TASP1: variants seen among roughly 807,000 people sequenced by gnomAD.
TASP1 encodes the protein threonine aspartase 1.
TASP1 carries 16 observed loss-of-function variants against 56.6 expected under a neutral mutation model. That is an observed-to-expected ratio of 0.28 (90% CI 0.19 to 0.43). The LOEUF (loss-of-function observed/expected upper bound fraction) is 0.43, where lower values mean the gene tolerates loss of function less well. Among genes scored for constraint, TASP1 ranks in the 20% least tolerant of loss-of-function variants. TASP1 has a pLI of 1.00. For synonymous variants in TASP1, 179 were observed against 184.2 expected, an observed-to-expected ratio of 0.97 and a Z score of 0.23; for missense variants, 393 against 511.6, an observed-to-expected ratio of 0.77 and a Z score of 2.24.
At chr20:13,453,570 C>T (rs185846970) in intron 11 of TASP1, among the ~76,000 whole-genome samples, 2 of 151,970 alleles carry the variant, frequency 1.3e-5, no homozygotes, top group Admixed American at 1.3e-4. Context: ...GATTTAAGAG[C>T]CTAAACTGAA....
chr20:13,321,497 A>G, the TASP1 span, among the ~76,000 whole-genome samples: 12,859 of 152,136 alleles, frequency 0.085, 1,142 homozygotes, highest in African/African-American at 0.23. Flanking sequence ...TGGCCCCAGA[A>G]GCATCTAAAA....
the TASP1 span, among the ~76,000 whole-genome samples, chr20:13,276,520 A>G: frequency 6.6e-6 from 1 of 152,240 alleles, no homozygotes; most frequent in Non-Finnish European, 1.5e-5. Flanking sequence ...TGTGCCAGAA[A>G]TTGAACTTGA....
At chr20:13,209,881 T>G in the TASP1 span, among the ~76,000 whole-genome samples, 2 of 152,202 alleles carry the variant, frequency 1.3e-5, no homozygotes, top group African/African-American at 4.8e-5. Flanking sequence ...ACAGTTTACA[T>G]AGAGTGCACA....
intron 4 of TASP1, among the ~76,000 whole-genome samples, chr20:13,615,502 GTTT>G (rs756677945): frequency 4.5e-5 from 6 of 132,204 alleles, no homozygotes; most frequent in African/African-American, 8.2e-5. Context: ...TGAGAATCTG[GTTT>G]TTTTTTTTTT....
chr20:13,296,198 C>T, the TASP1 span, among the ~76,000 whole-genome samples: 2 of 152,154 alleles, frequency 1.3e-5, no homozygotes, highest in Non-Finnish European at 2.9e-5. Context: ...ATTTCCTCCA[C>T]CCATAGCATG....
At chr20:13,264,469 A>G in the TASP1 span, among the ~76,000 whole-genome samples, 1,921 of 152,134 alleles carry the variant, frequency 0.013, 38 homozygotes, top group African/African-American at 0.044. Flanking sequence ...AGGATGCATC[A>G]CTCATTTCCA....
intron 5 of TASP1, among the ~76,000 whole-genome samples, chr20:13,584,030 G>C (rs2047215340): frequency 6.6e-6 from 1 of 152,124 alleles, no homozygotes; most frequent in Non-Finnish European, 1.5e-5. Flanking sequence ...AGTGAGCCAA[G>C]ATCGCACCAC....
intron 11 of TASP1, among the ~76,000 whole-genome samples, chr20:13,447,022 C>T (rs1433169366): frequency 1.3e-5 from 2 of 152,118 alleles, no homozygotes; most frequent in Non-Finnish European, 2.9e-5. Flanking sequence ...ACCTTTCACA[C>T]GTGTATGAAT....
the TASP1 span, among the ~76,000 whole-genome samples, chr20:13,307,778 C>T: frequency 6.6e-6 from 1 of 152,232 alleles, no homozygotes; most frequent in African/African-American, 2.4e-5. Flanking sequence ...GTCATTCATG[C>T]TTATCACATT....
chr20:13,207,833 G>A, the TASP1 span, among the ~76,000 whole-genome samples: 11 of 152,110 alleles, frequency 7.2e-5, no homozygotes, highest in African/African-American at 4.8e-5. Flanking sequence ...TCTCAGTCAC[G>A]TTGACACATA....
chr20:13,221,675 G>C, the TASP1 span: 1 of 1,043,914 alleles, frequency 9.6e-7, no homozygotes, highest in Non-Finnish European at 1.2e-6. Flanking sequence ...CGAGGCGGGA[G>C]CCGCGCTGCC....
the TASP1 span, chr20:13,292,445 A>G: frequency 2.6e-5 from 41 of 1,601,700 alleles, no homozygotes; most frequent in East Asian, 8.5e-4. Context: ...GTTTAATGCC[A>G]CCAAACTGTT....
At chr20:13,505,016 A>C (rs1473477437) in intron 10 of TASP1, among the ~76,000 whole-genome samples, 1 of 152,146 alleles carries the variant, frequency 6.6e-6, no homozygotes, top group Non-Finnish European at 1.5e-5. Flanking sequence ...TACAGACCCA[A>C]CTATATGCTA....
At chr20:13,149,974 G>A in the TASP1 span, among the ~76,000 whole-genome samples, 1 of 152,174 alleles carries the variant, frequency 6.6e-6, no homozygotes, top group Non-Finnish European at 1.5e-5. Context: ...GGAATCATCA[G>A]GACCAGCCTG....
At chr20:13,387,188 T>A (rs1395706305), downstream of TASP1, among the ~76,000 whole-genome samples, 2 of 135,620 alleles carry the variant, frequency 1.5e-5, no homozygotes, top group Admixed American at 7.2e-5. Context: ...GATTTCATTT[T>A]TTTTTTTTTT....
chr20:13,350,331 A>G, the TASP1 span, among the ~76,000 whole-genome samples: 1 of 152,252 alleles, frequency 6.6e-6, no homozygotes, highest in Non-Finnish European at 1.5e-5. Context: ...TTAAGGATTT[A>G]ACTAAATTTC....
intron 10 of TASP1, among the ~76,000 whole-genome samples, chr20:13,515,717 C>T (rs1370689726): frequency 6.6e-6 from 1 of 152,044 alleles, no homozygotes; most frequent in Non-Finnish European, 1.5e-5. Context: ...ACATGTCAAA[C>T]ATCTGAAAGC....
chr20:13,385,922 A>G (rs2041159999), downstream of TASP1, among the ~76,000 whole-genome samples: 1 of 152,230 alleles, frequency 6.6e-6, no homozygotes, highest in Non-Finnish European at 1.5e-5. Flanking sequence ...ATAGCTTTCC[A>G]TCGTTCTGGA....
intron 4 of TASP1, among the ~76,000 whole-genome samples, chr20:13,598,612 C>T (rs2047834923): frequency 6.6e-6 from 1 of 152,170 alleles, no homozygotes; most frequent in African/African-American, 2.4e-5. Context: ...CCATTCAGGA[C>T]ACAGGCAGGG....
Sources: gnomAD v4.1 joint callset for allele counts (sites outside exome capture counted in the v4.1 genomes callset) on GRCh38, gnomAD v4.1.1 for gene constraint, MANE v1.5 for transcripts, NCBI Gene and HGNC (gene_info 2026-07-23, HGNC 2026-07-21) for gene names.